The following PHAF1 variants were observed in gnomAD, a reference collection of about 807,000 sequenced individuals.
The protein encoded by PHAF1 is phagophore assembly factor 1.
In PHAF1, 23 loss-of-function variants were observed where a neutral mutation model predicts 63.1. That is an observed-to-expected ratio of 0.36 (90% CI 0.26 to 0.52). The LOEUF is 0.52. Ranked by LOEUF, PHAF1 falls within the 20% of genes least tolerant of loss-of-function variation. PHAF1 has a pLI of 0.93. For missense variants in PHAF1, 427 were observed against 517.2 expected, an observed-to-expected ratio of 0.83 and a Z score of 1.69; for synonymous variants, 167 against 185.0, an observed-to-expected ratio of 0.90 and a Z score of 0.79.
At position 67,140,576 on chromosome 16, in the gene PHAF1, C is replaced by A. The variant is rs1395229105; in HGVS notation, c.861C>A (p.Asn287Lys). ...CGAAGTGTAATGACTACTTTTTTAACTACTTCACTCTTGGAGTGGTAAGTT... is the reference window on the plus strand; with the variant it reads ...CGAAGTGTAATGACTACTTTTTTAAATACTTCACTCTTGGAGTGGTAAGTT... ...VPSKCNDYFFNYFTLGVDILF... is the reference protein window; with the variant it reads ...VPSKCNDYFFKYFTLGVDILF... The change falls in exon 10 of 16, where the codon AAC becomes AAA. Residue 287 changes from asparagine (N) to lysine (K), a missense_variant. Coordinates refer to ENST00000219139, the MANE Select transcript of PHAF1 (RefSeq NM_025187.5). 3.1e-6 allele frequency: 5 copies of A among 1,593,832 alleles called. No homozygotes were observed. The highest frequency in any genetic ancestry group is 1.3e-5 in the African/African-American group (1 of 74,470).
chr16:67,111,046 C>G (rs1597176713), intron 1 of PHAF1, among the ~76,000 whole-genome samples: 1 of 152,136 alleles, frequency 6.6e-6, no homozygotes, highest in East Asian at 1.9e-4. Context: ...GAATTCCTGA[C>G]CTCGTGATCC....
intron 2 of PHAF1, among the ~76,000 whole-genome samples, chr16:67,122,759 T>C (rs1004423513): frequency 1.7e-4 from 26 of 152,134 alleles, no homozygotes; most frequent in African/African-American, 5.6e-4. Flanking sequence ...GACAGAGTCT[T>C]GCTCCGTCAC....
intron 11 of PHAF1, 121 bp from the exon 12 acceptor site, chr16:67,144,713 T>G (rs1963929031): frequency 1.0e-5 from 12 of 1,170,618 alleles, no homozygotes; most frequent in Non-Finnish European, 1.5e-5. Context: ...TGTCAGGCAC[T>G]CAGAGCCAGG....
chr16:67,140,855 G>A (rs1383222234), intron 10 of PHAF1, among the ~76,000 whole-genome samples: 1 of 152,238 alleles, frequency 6.6e-6, no homozygotes, highest in Non-Finnish European at 1.5e-5. Flanking sequence ...CACAGATGGA[G>A]GCCTTGGAAA....
rs763066248 is a variant in PHAF1, at chr16:67,147,330, T to G, written c.*199T>G. 3.6e-5 allele frequency: 20 copies of G among 560,100 alleles called. No individual in the cohort carries two copies. The South Asian group carries it at 5.0e-4, about 14-fold the overall frequency. 34.7% of individuals were successfully genotyped at this position (560,100 alleles called of 1,614,324 possible). Reference sequence around the variant, plus strand: ...GATATTCTTCTGTCCATCTTTGGCCTGCTGGTGCCAGCAGGGGACACAGAC... The same window carrying G: ...GATATTCTTCTGTCCATCTTTGGCCGGCTGGTGCCAGCAGGGGACACAGAC... On this transcript the variant is annotated 3_prime_UTR_variant, in exon 16 of 16. Transcript: ENST00000219139.
At chr16:67,120,537 G>A (rs955701920) in intron 2 of PHAF1, among the ~76,000 whole-genome samples, 1 of 151,204 alleles carries the variant, frequency 6.6e-6, no homozygotes, top group Non-Finnish European at 1.5e-5. Context: ...GTTTAAAATT[G>A]TCTTTTCTGC....
intron 8 of PHAF1, among the ~76,000 whole-genome samples, chr16:67,137,343 G>T (rs1278642745): frequency 6.6e-6 from 1 of 152,076 alleles, no homozygotes; most frequent in Non-Finnish European, 1.5e-5. Context: ...TTTTTTGACA[G>T]AGTCTTGCTG....
At position 67,145,423 on chromosome 16, in the gene PHAF1, A is replaced by G. The variant is rs1186467931; in HGVS notation, c.1050+4A>G. 5.0e-6 allele frequency: 8 copies of G among 1,614,022 alleles called. No homozygotes were observed. The East Asian group carries it at 1.6e-4, about 31-fold the overall frequency. ...AACATGCACGACCTACAGCAAGGTG[A>G]GCACCTATCTTCCTACCTGGCATAG... is the stretch of plus-strand genomic sequence containing the variant. On this transcript the variant is annotated splice_donor_region_variant and intron_variant, in intron 13 of 15. Transcript: ENST00000219139.
rs117551246 is a variant in PHAF1 at position 67,143,755 on chromosome 16, A to G, written c.880-539A>G. Among the ~76,000 whole-genome samples the G allele has an allele frequency of 4.3e-4, 65 of 152,164 alleles. No individual in the cohort carries two copies. The East Asian group carries it at 0.013, about 29-fold the overall frequency. On this transcript the variant is annotated intron_variant, in intron 10 of 15. Transcript: ENST00000219139. ...TTAGCAGGACAAAGAGCTAAAATGGATAGTACAGTGTGTTGAGAGGTAACA... is the reference window on the plus strand; with the variant it reads ...TTAGCAGGACAAAGAGCTAAAATGGGTAGTACAGTGTGTTGAGAGGTAACA...
intron 3 of PHAF1, among the ~76,000 whole-genome samples, chr16:67,129,701 C>T (rs1963317610): frequency 6.6e-6 from 1 of 152,186 alleles, no homozygotes; most frequent in Non-Finnish European, 1.5e-5. Context: ...GCTCCGAGCC[C>T]CTACCTGTGC....
chr16:67,145,644 A>AT lies in PHAF1; in HGVS notation c.1109+17dup. The AT allele has an allele frequency of 6.2e-7, 1 of 1,607,614 alleles. No individual in the cohort carries two copies. The highest frequency in any genetic ancestry group is 8.5e-7 in the Non-Finnish European group (1 of 1,177,332). ...TCCTGCACAGGTGAGTGGGAGTTTG[A>AT]TGTCCCCGGCCACCCCACCTGACTC... On this transcript the variant is annotated intron_variant, in intron 14 of 15. Coordinates refer to ENST00000219139, the MANE Select transcript of PHAF1 (RefSeq NM_025187.5).
chr16:67,134,207 C>G lies in PHAF1; in HGVS notation c.490C>G (p.His164Asp). 5 of 1,614,128 alleles carry G rather than the reference C, an allele frequency of 3.1e-6. No homozygotes were observed. The highest frequency in any genetic ancestry group is 4.2e-6 in the Non-Finnish European group (5 of 1,180,000). Reference protein sequence around the residue: ...AHGLASLQIPHGATVKRMYIY... With the variant: ...AHGLASLQIPDGATVKRMYIY... ...TGGCCTGGCTTCTCTCCAGATACCC[C>G]ATGGAGCAACTGTAAAACGAATGTA... Residue 164 changes from histidine to aspartate, a missense_variant, in exon 7 of 16, where the codon CAT becomes GAT. Physicochemically the swap from His to Asp is moderately conservative, Grantham distance 81. Coordinates refer to ENST00000219139, the MANE Select transcript of PHAF1 (RefSeq NM_025187.5).
At chr16:67,115,735 G>A (rs1402829197) in intron 1 of PHAF1, among the ~76,000 whole-genome samples, 1 of 152,204 alleles carries the variant, frequency 6.6e-6, no homozygotes, top group Non-Finnish European at 1.5e-5. Context: ...CAGTAGCTGT[G>A]TGATGACCAG....
intron 8 of PHAF1, among the ~76,000 whole-genome samples, chr16:67,137,988 T>C (rs1400767374): frequency 1.3e-5 from 2 of 152,198 alleles, no homozygotes; most frequent in Non-Finnish European, 2.9e-5. Context: ...AGTGATGCTT[T>C]TAATGCAGGG....
intron 10 of PHAF1, among the ~76,000 whole-genome samples, chr16:67,143,816 C>T (rs1194377594): frequency 2.0e-5 from 3 of 151,502 alleles, no homozygotes; most frequent in Non-Finnish European, 2.9e-5. Flanking sequence ...GGGCCAGGCA[C>T]GGTGGCTCAC....
intron 1 of PHAF1, among the ~76,000 whole-genome samples, chr16:67,111,978 C>T (rs1368866783): frequency 6.6e-6 from 1 of 152,116 alleles, no homozygotes; most frequent in East Asian, 1.9e-4. Flanking sequence ...TAACACCACT[C>T]CTGCAGAGTT....
At chr16:67,132,095 C>T (rs1963425105) in intron 4 of PHAF1, 2 of 176,620 alleles carry the variant, frequency 1.1e-5, no homozygotes, top group African/African-American at 2.4e-5. Flanking sequence ...GAGGAGTAGA[C>T]AAGCAAATGT....
chr16:67,119,614 G>C (rs1962893064), intron 1 of PHAF1, among the ~76,000 whole-genome samples: 1 of 151,352 alleles, frequency 6.6e-6, no homozygotes, highest in East Asian at 1.9e-4. Context: ...TCCGCCTCCT[G>C]GGTTCAAGCA....
rs1380198510 is a variant in PHAF1, at chr16:67,147,907, G to A, written c.*776G>A. ...TACTTTTGTTGTGTTTCAGCATTCT[G>A]TTCTGCACTGTGGGCTGGCTCTCTG... On this transcript the variant is annotated 3_prime_UTR_variant, in exon 16 of 16. Transcript: ENST00000219139. 6.5e-6 allele frequency: 1 copy of A among 152,736 alleles called. No homozygotes were observed. Among genetic ancestry groups the A allele is most frequent in the Non-Finnish European group, 1.5e-5 (1 of 68,086 alleles). 9.5% of individuals were successfully genotyped at this position (152,736 alleles called of 1,614,324 possible). A position where few individuals can be genotyped will look rare whatever the true frequency, so the allele number is the denominator to read the frequency against.
Sources: gnomAD v4.1 joint callset for allele counts (sites outside exome capture counted in the v4.1 genomes callset) on GRCh38, gnomAD v4.1.1 for gene constraint, MANE v1.5 for transcripts, NCBI Gene and HGNC (gene_info 2026-07-23, HGNC 2026-07-21) for gene names.